The following ADAMTSL2 variants were observed in gnomAD, a reference collection of about 807,000 sequenced individuals.
ADAMTSL2 encodes the protein ADAMTS-like protein 2.
ADAMTSL2 carries 55 observed loss-of-function variants against 117.0 expected under a neutral mutation model. That is an observed-to-expected ratio of 0.47 (90% confidence interval 0.38 to 0.59). ADAMTSL2 has a LOEUF of 0.59. ADAMTSL2 is among the 20% of genes least tolerant of loss of function. ADAMTSL2 has a pLI of 0.00. For missense variants in ADAMTSL2, 1,182 were observed against 1,354.5 expected (o/e 0.87, Z 2.00); for synonymous variants, 572 against 566.4 (o/e 1.01, Z -0.14).
Position 133,575,055 on chromosome 9 carries a change from G to C in ADAMTSL2, c.*191G>C, listed in dbSNP as rs1588315170. On this transcript the variant is annotated 3_prime_UTR_variant, in exon 19 of 19. Transcript: ENST00000651351. ...TTGTGCTCCTGGGGCAGAGCCTCCGGCACCCAGTGGCCTCCCCCAGACAGA... is the reference window on the plus strand; with the variant it reads ...TTGTGCTCCTGGGGCAGAGCCTCCGCCACCCAGTGGCCTCCCCCAGACAGA... 1 of 601,580 alleles carries C rather than the reference G, an allele frequency of 1.7e-6. No individual in the cohort carries two copies. The highest frequency in any genetic ancestry group is 2.8e-5 in the East Asian group (1 of 36,130). The allele number at this position is 601,580 out of a possible 1,614,324, so 37.3% of individuals were successfully genotyped here.
At chr9:133,535,039 G>C (rs1312353773) in intron 1 of ADAMTSL2, 122 bp downstream of exon 1, 1 of 1,291,524 alleles carries the variant, frequency 7.7e-7, no homozygotes, top group Non-Finnish European at 9.8e-7. Context: ...AACGTGGGGA[G>C]GCTTGTGGGG....
intron 9 of ADAMTSL2, among the ~76,000 whole-genome samples, chr9:133,549,910 A>G (rs968629302): frequency 1.3e-5 from 2 of 152,220 alleles, no homozygotes; most frequent in Admixed American, 6.5e-5. Context: ...ACAGTCCCCA[A>G]GTGGTGGCTG....
intron 4 of ADAMTSL2, among the ~76,000 whole-genome samples, chr9:133,539,563 G>A (rs917369102): frequency 8.8e-6 from 1 of 113,014 alleles, no homozygotes; most frequent in Non-Finnish European, 1.9e-5. Context: ...GGGGGGCGGA[G>A]CTGCCCTTTC....
chr9:133,572,252 A>C (rs1394982224), intron 17 of ADAMTSL2, among the ~76,000 whole-genome samples: 1 of 144,582 alleles, frequency 6.9e-6, no homozygotes, highest in Non-Finnish European at 1.5e-5. Context: ...GAGAACACAC[A>C]CTCACTCATT....
At chr9:133,568,580 G>A in intron 14 of ADAMTSL2, 23 bp from the exon 15 acceptor site, 8 of 1,556,392 alleles carry the variant, frequency 5.1e-6, no homozygotes, top group Non-Finnish European at 6.9e-6. Flanking sequence ...CACCCCCCCT[G>A]CCCCCTCCCC....
chr9:133,568,357 C>T lies in ADAMTSL2; in HGVS notation c.1959C>T (p.Leu653=), dbSNP rs1434146365. ...QFRVVRCWKM[L]SPGFDSSVYS... ...GCGTCGTGCGCTGCTGGAAGATGCT[C>T]TCGCCCGGCTTCGACAGCTCCGTGT... The change falls in exon 14 of 19, where the codon CTC becomes CTT. Residue 653 remains leucine, a synonymous_variant. Coordinates refer to ENST00000651351, the MANE Select transcript of ADAMTSL2 (RefSeq NM_014694.4). 6.3e-7 allele frequency: 1 copy of T among 1,595,156 alleles called. No individual in the cohort carries two copies. The highest frequency in any genetic ancestry group is 8.5e-7 in the Non-Finnish European group (1 of 1,171,720).
chr9:133,571,216 C>A (rs1450435293), intron 17 of ADAMTSL2, among the ~76,000 whole-genome samples: 1 of 152,198 alleles, frequency 6.6e-6, no homozygotes, highest in Non-Finnish European at 1.5e-5. Flanking sequence ...AGGAGAGGTT[C>A]TTTTCCCCAT....
intron 9 of ADAMTSL2, among the ~76,000 whole-genome samples, chr9:133,553,654 T>C (rs1327863333): frequency 2.0e-5 from 3 of 152,210 alleles, no homozygotes; most frequent in Non-Finnish European, 4.4e-5. Context: ...CCTCGTTGCC[T>C]CTGCCAGCCC....
intron 17 of ADAMTSL2, among the ~76,000 whole-genome samples, chr9:133,571,471 A>T (rs958285403): frequency 6.6e-6 from 1 of 152,268 alleles, no homozygotes; most frequent in East Asian, 1.9e-4. Flanking sequence ...CCTCGCCCCC[A>T]GTTGTCTTGC....
At chr9:133,573,755 A>T in intron 17 of ADAMTSL2, 88 bp from the exon 18 acceptor site, 4 of 1,545,998 alleles carry the variant, frequency 2.6e-6, no homozygotes, top group Non-Finnish European at 3.6e-6. Flanking sequence ...GGGGTGGGGA[A>T]GGGGGAGTGT....
At chr9:133,572,140 C>T (rs902476014) in intron 17 of ADAMTSL2, among the ~76,000 whole-genome samples, 10 of 152,222 alleles carry the variant, frequency 6.6e-5, no homozygotes, top group South Asian at 2.1e-4. Flanking sequence ...TCCTCGTGCA[C>T]GCTTGGTGGT....
chr9:133,546,309 G>A (rs1830346418), intron 8 of ADAMTSL2, among the ~76,000 whole-genome samples: 1 of 152,042 alleles, frequency 6.6e-6, no homozygotes, highest in African/African-American at 2.4e-5. Flanking sequence ...GCTGGAGTTA[G>A]GCCCTGGGAG....
intron 11 of ADAMTSL2, among the ~76,000 whole-genome samples, chr9:133,560,505 G>T (rs1015252959): frequency 7.2e-5 from 11 of 152,208 alleles, no homozygotes; most frequent in Admixed American, 2.0e-4. Flanking sequence ...ACACCTACTG[G>T]TTCAAAGAAG....
At position 133,568,697 on chromosome 9, in the gene ADAMTSL2, G is replaced by A. The variant is rs1430880040; in HGVS notation, c.2183G>A (p.Gly728Glu). 1.9e-6 allele frequency: 3 copies of A among 1,613,320 alleles called. No individual in the cohort carries two copies. In the African/African-American group the frequency reaches 4.0e-5, roughly 22 times the overall value. ...TGTGACCCCAACACCAGGCCTGTAG[G>A]GGAGAAGAACTGCACGGGCCCGCCC... ...KLCDPNTRPV[G>E]EKNCTGPPCD... The change falls in exon 15 of 19, where the codon GGG (glycine) becomes GAG (glutamate). Residue 728 changes from glycine (G) to glutamate (E), a missense_variant. Physicochemically the swap from Gly to Glu is moderately conservative, Grantham distance 98 (BLOSUM62 -2). Around this residue, in one of 3 missense-constraint regions of ADAMTSL2, gnomAD observed 465 missense variants for 565.3 expected, o/e 0.82. Transcript: ENST00000651351.
At chr9:133,559,751 C>CT (rs1830686074) in intron 11 of ADAMTSL2, among the ~76,000 whole-genome samples, 2 of 152,138 alleles carry the variant, frequency 1.3e-5, no homozygotes, top group Admixed American at 1.3e-4. Flanking sequence ...ACTCTCCTGG[C>CT]TTGAAGCTCC....
chr9:133,539,144 C>A (rs762585841), intron 4 of ADAMTSL2, among the ~76,000 whole-genome samples: 1 of 152,068 alleles, frequency 6.6e-6, no homozygotes, highest in African/African-American at 2.4e-5. Flanking sequence ...AGGTGGCCAC[C>A]GCTTCTGTGT....
At chr9:133,547,869 G>T (rs888208277) in intron 9 of ADAMTSL2, among the ~76,000 whole-genome samples, 51 of 152,346 alleles carry the variant, frequency 3.3e-4, no homozygotes, top group African/African-American at 1.2e-3. Context: ...GCAGGAGGGA[G>T]CGTGGGCCTG....
intron 11 of ADAMTSL2, among the ~76,000 whole-genome samples, chr9:133,560,852 T>C (rs1588298552): frequency 6.6e-6 from 1 of 152,138 alleles, no homozygotes; most frequent in Non-Finnish European, 1.5e-5. Context: ...GAGAAGGTAA[T>C]ATTGAGAAGC....
In ADAMTSL2 at chr9:133,554,626, C is replaced by T; in HGVS notation, c.1209C>T (p.Thr403=). 8 of 1,543,860 alleles carry T rather than the reference C, an allele frequency of 5.2e-6. No individual in the cohort carries two copies. The highest frequency in any genetic ancestry group is 1.2e-5 in the South Asian group (1 of 84,160). The change falls in exon 10 of 19, where the codon ACC becomes ACT. Residue 403 remains threonine, a synonymous_variant. Transcript: ENST00000651351. The surrounding 1 kb of genome is among the most constrained non-coding windows in gnomAD (Gnocchi z 5.2). The stretch of plus-strand genomic sequence containing the variant: ...TGGGCCCCAGCCAGGGCCAGGAGAC[C>T]AACGAGGTGTGCGAGCAGGCCGGCG... The part of the protein sequence containing the change: ...MELGPSQGQE[T]NEVCEQAGGG...
Sources: gnomAD v4.1 joint callset for allele counts (sites outside exome capture counted in the v4.1 genomes callset) on GRCh38, gnomAD v4.1.1 for gene constraint, gnomAD v4.1.1 regional missense constraint, Gnocchi (gnomAD v3.1) non-coding constraint, MANE v1.5 for transcripts, NCBI Gene and HGNC (gene_info 2026-07-23, HGNC 2026-07-21) for gene names.